GPATCH11: variants seen among roughly 807,000 people sequenced by gnomAD.
The protein encoded by GPATCH11 is G-patch domain containing 11.
A neutral mutation model predicts 44.8 loss-of-function variants in GPATCH11; 32 were observed. The ratio of observed to expected loss-of-function variants is 0.71; its 90% CI spans 0.54 to 0.96. The LOEUF (loss-of-function observed/expected upper bound fraction) is 0.96. Ranked by LOEUF, GPATCH11 falls within the 40% of genes least tolerant of loss-of-function variation. The pLI is 0.00. For synonymous variants in GPATCH11, 84 were observed against 94.4 expected, an observed-to-expected ratio of 0.89 and a Z score of 0.64; for missense variants, 324 against 303.1, an observed-to-expected ratio of 1.07 and a Z score of -0.51.
chr2:37,092,352 TTA>T (rs202239979), intron 6 of GPATCH11, 97 bp downstream of exon 6: 1 of 192,670 alleles, frequency 5.2e-6, no homozygotes, highest in Non-Finnish European at 1.1e-5. Flanking sequence ...TATATATGTA[TTA>T]TATATATTTA....
At chr2:37,093,092 G>C (rs997167964) in intron 6 of GPATCH11, among the ~76,000 whole-genome samples, 1 of 152,204 alleles carries the variant, frequency 6.6e-6, no homozygotes, top group Non-Finnish European at 1.5e-5. Context: ...GTTGCATTGA[G>C]CTATGTTCAT....
At chr2:37,092,524 G>A (rs17446088) in intron 6 of GPATCH11, among the ~76,000 whole-genome samples, 8,265 of 144,810 alleles carry the variant, frequency 0.057, 318 homozygotes, top group Non-Finnish European at 0.09. Flanking sequence ...CTCCAAGCCC[G>A]GTTTATCTAC....
At position 37,096,682 on chromosome 2, in the gene GPATCH11, C is replaced by T. The variant is rs1482042346; in HGVS notation, c.*419C>T. 1 of 172,018 alleles carries T rather than the reference C, an allele frequency of 5.8e-6. No homozygotes were observed. The highest frequency in any genetic ancestry group is 6.4e-5 in the Admixed American group (1 of 15,736). 10.7% of individuals were successfully genotyped at this position (172,018 alleles called of 1,614,324 possible). A position where few individuals can be genotyped will look rare whatever the true frequency, so the allele number is the denominator to read the frequency against. The stretch of plus-strand genomic sequence containing the variant: ...CCAGTCAGAGACTGTAATATTTCTC[C>T]CTGATTGGAGAGAACAGCGGGTCTC... On this transcript the variant is annotated 3_prime_UTR_variant, in exon 9 of 9. Transcript: ENST00000674370.
Position 37,098,593 on chromosome 2 carries a change from T to C in GPATCH11, c.*2330T>C, listed in dbSNP as rs1461392476. The C allele has an allele frequency of 2.0e-5, 3 of 152,150 alleles. No homozygotes were observed. The highest frequency in any genetic ancestry group is 4.4e-5 in the Non-Finnish European group (3 of 68,042). 9.4% of individuals were successfully genotyped at this position (152,150 alleles called of 1,614,324 possible). A position where few individuals can be genotyped will look rare whatever the true frequency, so the allele number is the denominator to read the frequency against. The stretch of plus-strand genomic sequence containing the variant: ...ACACCTGCTCAGTGGCCTAAAATAT[T>C]TTAAATATGTTCATGACAATTATGC... On this transcript the variant is annotated 3_prime_UTR_variant, in exon 9 of 9. Coordinates refer to ENST00000674370, the MANE Select transcript of GPATCH11 (RefSeq NM_174931.4).
rs760284325 is a variant in GPATCH11, at chr2:37,088,322, C to T, written c.-13-47C>T. On this transcript the variant is annotated intron_variant, in intron 1 of 8. Coordinates refer to ENST00000674370, the MANE Select transcript of GPATCH11 (RefSeq NM_174931.4). ...GCTGCAGATACAGAAAGGTTTATTT[C>T]CATTCTGATAAACTAAAAAAAAAAG... The T allele has an allele frequency of 6.5e-6, 6 of 927,388 alleles. No individual in the cohort carries two copies. The African/African-American group carries it at 1.0e-4, about 16-fold the overall frequency. The allele number at this position is 927,388 out of a possible 1,614,324, so 57.4% of individuals were successfully genotyped here. A position where few individuals can be genotyped will look rare whatever the true frequency, so the allele number is the denominator to read the frequency against.
At chr2:37,085,639 G>A in intron 1 of GPATCH11, among the ~76,000 whole-genome samples, 1 of 152,174 alleles carries the variant, frequency 6.6e-6, no homozygotes, top group East Asian at 1.9e-4. Flanking sequence ...CCAAAAGAGA[G>A]TTGCAACTGG....
At chr2:37,089,536 C>T (rs1673205580) in intron 2 of GPATCH11, 104 bp from the exon 3 acceptor site, 1 of 837,650 alleles carries the variant, frequency 1.2e-6, no homozygotes, top group Non-Finnish European at 1.8e-6. Flanking sequence ...CATTGCATTA[C>T]AGCCCGGGCA....
intron 1 of GPATCH11, among the ~76,000 whole-genome samples, chr2:37,088,098 T>C (rs1673132561): frequency 6.6e-6 from 1 of 152,110 alleles, no homozygotes; most frequent in African/African-American, 2.4e-5. Flanking sequence ...AGGAGTTTTA[T>C]GGAGGAAGAC....
At chr2:37,088,525 TA>T in intron 2 of GPATCH11, 85 bp downstream of exon 2, 7 of 744,908 alleles carry the variant, frequency 9.4e-6, no homozygotes, top group Non-Finnish European at 1.5e-5. Context: ...TATTTTATTT[TA>T]TTTTTTTGAG....
intron 1 of GPATCH11, among the ~76,000 whole-genome samples, chr2:37,085,240 C>T (rs1672946764): frequency 6.6e-6 from 1 of 152,172 alleles, no homozygotes; most frequent in Admixed American, 6.5e-5. Flanking sequence ...ACAATGTAAT[C>T]CTATTTGCAA....
rs1672872145 is a variant in GPATCH11, at chr2:37,084,550, G to A, written c.-34G>A. Reference sequence around the variant, plus strand: ...GCGCGCGCTCTACGGCGCTGAACCGGGGCGAGCAGAGAGCTGTCAGGTAAG... The same window carrying A: ...GCGCGCGCTCTACGGCGCTGAACCGAGGCGAGCAGAGAGCTGTCAGGTAAG... On this transcript the variant is annotated 5_prime_UTR_variant, in exon 1 of 9. Coordinates refer to ENST00000674370, the MANE Select transcript of GPATCH11 (RefSeq NM_174931.4). 9.7e-6 allele frequency: 12 copies of A among 1,232,432 alleles called. No homozygotes were observed. Among genetic ancestry groups the A allele is most frequent in the South Asian group, 4.1e-5 (1 of 24,336 alleles). The allele number at this position is 1,232,432 out of a possible 1,614,324, so 76.3% of individuals were successfully genotyped here. A position where few individuals can be genotyped will look rare whatever the true frequency, so the allele number is the denominator to read the frequency against.
intron 7 of GPATCH11, 39 bp downstream of exon 7, chr2:37,094,234 C>T (rs1206766576): frequency 7.9e-7 from 1 of 1,266,844 alleles, no homozygotes; most frequent in South Asian, 1.3e-5. Flanking sequence ...GTGTCTCAGC[C>T]TTGGCAACAT....
rs1324078383 is a variant in GPATCH11 at position 37,097,270 on chromosome 2, A to G, written c.*1007A>G. 1 of 152,164 alleles carries G rather than the reference A, an allele frequency of 6.6e-6. No individual in the cohort carries two copies. The highest frequency in any genetic ancestry group is 1.5e-5 in the Non-Finnish European group (1 of 68,022). 9.4% of individuals were successfully genotyped at this position (152,164 alleles called of 1,614,324 possible). A position where few individuals can be genotyped will look rare whatever the true frequency, so the allele number is the denominator to read the frequency against. On this transcript the variant is annotated 3_prime_UTR_variant, in exon 9 of 9. Coordinates refer to ENST00000674370, the MANE Select transcript of GPATCH11 (RefSeq NM_174931.4). Reference sequence around the variant, plus strand: ...CCATTCCATTACTGGGTAGCTCTGAATTGTTTTCATTGTTTTCTCTTAAAC... The same window carrying G: ...CCATTCCATTACTGGGTAGCTCTGAGTTGTTTTCATTGTTTTCTCTTAAAC...
intron 1 of GPATCH11, among the ~76,000 whole-genome samples, chr2:37,085,573 C>A (rs1163953670): frequency 6.6e-6 from 1 of 152,102 alleles, no homozygotes; most frequent in African/African-American, 2.4e-5. Context: ...ACAAAACTAT[C>A]GAGAAAATGA....
chr2:37,084,640 T>A (rs1273035061), intron 1 of GPATCH11, 70 bp downstream of exon 1: 1 of 1,169,578 alleles, frequency 8.6e-7, no homozygotes, highest in Non-Finnish European at 1.1e-6. Context: ...GCGCTGGCCA[T>A]GACTACCGTA....
chr2:37,088,487 A>G (rs1463990148), intron 2 of GPATCH11, 47 bp downstream of exon 2: 7 of 874,344 alleles, frequency 8.0e-6, no homozygotes, highest in African/African-American at 6.8e-5. Context: ...TAAGATGTGT[A>G]GATTAAGAAA....
rs1434777901 is a variant in GPATCH11 at position 37,089,788 on chromosome 2, G to A, written c.208G>A (p.Ala70Thr). 29 of 1,551,864 alleles carry A rather than the reference G, an allele frequency of 1.9e-5. No homozygotes were observed. In the East Asian group the frequency reaches 7.1e-4, roughly 38 times the overall value. The change falls in exon 3 of 9, where the codon GCA (alanine) becomes ACA (threonine). Residue 70 changes from alanine (A) to threonine (T), a missense_variant. By Grantham distance (58) the Ala-to-Thr change is moderately conservative. Coordinates refer to ENST00000674370, the MANE Select transcript of GPATCH11 (RefSeq NM_174931.4). Reference protein sequence around the residue: ...QERRDIGLKNALGCENKGFAL... With the variant: ...QERRDIGLKNTLGCENKGFAL... Reference sequence around the variant, plus strand: ...AAGACGTGACATTGGGTTGAAGAATGCACTAGGCTGTGAAAACAAAGGGTT... The same window carrying A: ...AAGACGTGACATTGGGTTGAAGAATACACTAGGCTGTGAAAACAAAGGGTT...
At chr2:37,094,228 C>G (rs1346199828) in intron 7 of GPATCH11, 33 bp downstream of exon 7, 1 of 1,346,076 alleles carries the variant, frequency 7.4e-7, no homozygotes, top group Non-Finnish European at 1.0e-6. Flanking sequence ...CATAGGGTGT[C>G]TCAGCCTTGG....
intron 6 of GPATCH11, among the ~76,000 whole-genome samples, chr2:37,092,739 TTGAA>T (rs897213473): frequency 3.3e-5 from 5 of 152,060 alleles, no homozygotes; most frequent in African/African-American, 1.2e-4. Flanking sequence ...CTCTGCTTAT[TTGAA>T]TATCAGTTAT....
Sources: gnomAD v4.1 joint callset for allele counts (sites outside exome capture counted in the v4.1 genomes callset) on GRCh38, gnomAD v4.1.1 for gene constraint, MANE v1.5 for transcripts, NCBI Gene and HGNC (gene_info 2026-07-23, HGNC 2026-07-21) for gene names.